SP2: variants seen among roughly 807,000 people sequenced by gnomAD.
SP2 encodes the protein Sp2 transcription factor.
SP2 carries 9 observed loss-of-function variants against 50.1 expected under a neutral mutation model. The ratio of observed to expected loss-of-function variants is 0.18; its 90% CI spans 0.11 to 0.31. SP2 has a LOEUF of 0.31. SP2 is among the 10% of genes least tolerant of loss of function. The pLI, the probability that SP2 is intolerant of heterozygous loss-of-function variation, is 1.00. For missense variants in SP2, 581 were observed against 806.5 expected (o/e 0.72, Z 3.39); for synonymous variants, 313 against 326.6 (o/e 0.96, Z 0.45).
chr17:47,930,198 C>T (rs1345746777), downstream of SP2, among the ~76,000 whole-genome samples: 2 of 152,186 alleles, frequency 1.3e-5, no homozygotes, highest in African/African-American at 2.4e-5. Flanking sequence ...TGTATTTATT[C>T]CTCATGCGTG....
downstream of SP2, among the ~76,000 whole-genome samples, chr17:47,929,419 TC>T (rs1171810240): frequency 6.6e-6 from 1 of 152,102 alleles, no homozygotes; most frequent in Non-Finnish European, 1.5e-5. Context: ...ACAATGCATT[TC>T]CCCAAGGGCC....
At chr17:47,920,204 C>T (rs1053956462) in intron 3 of SP2, among the ~76,000 whole-genome samples, 3 of 152,258 alleles carry the variant, frequency 2.0e-5, no homozygotes, top group Admixed American at 6.5e-5. Flanking sequence ...CAACCTCCGC[C>T]TCCCGGGTTC....
At chr17:47,896,442 G>C in intron 1 of SP2, 149 bp downstream of exon 1, 1 of 593,624 alleles carries the variant, frequency 1.7e-6, no homozygotes, top group Non-Finnish European at 2.5e-6. Context: ...GGGCGGGGGA[G>C]GGAGGATTCC....
chr17:47,926,439 A>C (rs1314213109), intron 6 of SP2, among the ~76,000 whole-genome samples: 2 of 151,356 alleles, frequency 1.3e-5, no homozygotes, highest in African/African-American at 4.9e-5. Flanking sequence ...CAACCTCCTG[A>C]GTAGCTGGGA....
intron 1 of SP2, chr17:47,898,414 G>A (rs2034420610): frequency 6.6e-6 from 1 of 152,202 alleles, no homozygotes; most frequent in South Asian, 2.1e-4. Context: ...CTATAGGTCT[G>A]TGGCAGATCC....
At chr17:47,899,306 A>G (rs533401939) in intron 1 of SP2, 28 of 152,272 alleles carry the variant, frequency 1.8e-4, no homozygotes, top group African/African-American at 6.0e-4. Flanking sequence ...TCAGCAATCT[A>G]TTGGAGCAAG....
chr17:47,897,203 A>G (rs746487930), intron 1 of SP2: 1 of 152,222 alleles, frequency 6.6e-6, no homozygotes, highest in Non-Finnish European at 1.5e-5. Context: ...CCTCTTATCC[A>G]TGCTTCTTAT....
Position 47,916,563 on chromosome 17 carries a change from A to G in SP2, c.492A>G (p.Gln164=). The change falls in exon 3 of 7, where the codon CAA becomes CAG. Residue 164 remains glutamine (Q), a synonymous_variant. Coordinates refer to ENST00000376741, the MANE Select transcript of SP2 (RefSeq NM_003110.6). This position sits in a 1 kb window ranked among gnomAD's most constrained non-coding sequence, Gnocchi z 4.7. ...NQIQIIPGTN[Q]AIITPSPSSH... ...TCCAGATCATCCCTGGCACCAACCA[A>G]GCCATCATCACCCCCTCACCGTCCA... The G allele has an allele frequency of 6.2e-7, 1 of 1,614,092 alleles. No individual in the cohort carries two copies. Among genetic ancestry groups the G allele is most frequent in the Non-Finnish European group, 8.5e-7 (1 of 1,180,002 alleles).
intron 1 of SP2, chr17:47,909,784 T>C: frequency 1.7e-6 from 1 of 586,206 alleles, no homozygotes; most frequent in Non-Finnish European, 2.1e-6. Context: ...TAAGATGTCC[T>C]TGAACTCTAA....
Position 47,916,473 on chromosome 17 carries a change from G to T in SP2, c.402G>T (p.Ala134=), listed in dbSNP as rs1405695202. The T allele has an allele frequency of 2.5e-6, 4 of 1,613,842 alleles. No individual in the cohort carries two copies. The Admixed American group carries it at 6.7e-5, about 27-fold the overall frequency. Residue 134 remains alanine (A), a synonymous_variant, in exon 3 of 7, where the codon GCG becomes GCT. Transcript: ENST00000376741. This position sits in a 1 kb window ranked among gnomAD's most constrained non-coding sequence, Gnocchi z 4.7. The stretch of plus-strand genomic sequence containing the variant: ...CAAATGCCAATATCCAGTACCAGGC[G>T]GTCCCTCAGATTCAGGCAAGCAATT... ...TRSNANIQYQ[A]VPQIQASNSQ...
At chr17:47,908,042 G>A (rs975272625) in intron 1 of SP2, among the ~76,000 whole-genome samples, 7 of 152,170 alleles carry the variant, frequency 4.6e-5, no homozygotes, top group Admixed American at 2.6e-4. Context: ...TCTGAGTGAC[G>A]CTAGGAAAGA....
rs1598143824 is a variant in SP2, at chr17:47,916,220, T to C, written c.149T>C (p.Val50Ala). Residue 50 changes from valine to alanine, a missense_variant, in exon 3 of 7, where the codon GTT becomes GCT. Coordinates refer to ENST00000376741, the MANE Select transcript of SP2 (RefSeq NM_003110.6). The surrounding 1 kb of genome is among the most constrained non-coding windows in gnomAD (Gnocchi z 4.7). ...TGTAGCAAAATTGGCCCTCCAGCAG[T>C]TGAAGCTGCTGTGACACCTCCTGCT... ...ATCSKIGPPAVEAAVTPPAPP... is the reference protein window; with the variant it reads ...ATCSKIGPPAAEAAVTPPAPP... 6.2e-7 allele frequency: 1 copy of C among 1,613,996 alleles called. No homozygotes were observed. The highest frequency in any genetic ancestry group is 8.5e-7 in the Non-Finnish European group (1 of 1,179,952).
Position 47,917,087 on chromosome 17 carries a change from C to T in SP2, c.1016C>T (p.Ser339Phe). Residue 339 changes from serine to phenylalanine, a missense_variant, in exon 3 of 7, where the codon TCC becomes TTC. Around this residue, in one of 2 missense-constraint regions of SP2, gnomAD observed 397 missense variants for 491.0 expected, o/e 0.81. Coordinates refer to ENST00000376741, the MANE Select transcript of SP2 (RefSeq NM_003110.6). ...CTCCCCACTGTACCCCAGAAGCCCT[C>T]CCAGAACTTTCAGATCCAGGCAGCT... ...ATLPTVPQKP[S>F]QNFQIQAAEP... 1 of 1,613,126 alleles carries T rather than the reference C, an allele frequency of 6.2e-7. No homozygotes were observed. Among genetic ancestry groups the T allele is most frequent in the East Asian group, 2.2e-5 (1 of 44,878 alleles).
chr17:47,903,432 G>A (rs1398781122), intron 1 of SP2, among the ~76,000 whole-genome samples: 2 of 151,960 alleles, frequency 1.3e-5, no homozygotes, highest in South Asian at 2.1e-4. Flanking sequence ...TTGGGAGGCC[G>A]AGGCGGGCAG....
rs775954063 is a variant in SP2, at chr17:47,916,487, A to G, written c.416A>G (p.Gln139Arg). ...NIQYQAVPQI[Q>R]ASNSQTIQVQ... is the part of the protein sequence containing the mutation. ...CAGTACCAGGCGGTCCCTCAGATTC[A>G]GGCAAGCAATTCCCAAACCATCCAA... is the stretch of plus-strand genomic sequence containing the variant. The change falls in exon 3 of 7, where the codon CAG becomes CGG. Residue 139 changes from glutamine to arginine, a missense_variant. By Grantham distance (43) the Gln-to-Arg change is conservative. Coordinates refer to ENST00000376741, the MANE Select transcript of SP2 (RefSeq NM_003110.6). The surrounding 1 kb of genome is among the most constrained non-coding windows in gnomAD (Gnocchi z 4.7). 6 of 1,614,158 alleles carry G rather than the reference A, an allele frequency of 3.7e-6. No individual in the cohort carries two copies.
chr17:47,915,214 C>CA (rs60876460), intron 1 of SP2, 98 bp from the exon 2 acceptor site: 192,695 of 684,656 alleles, frequency 0.28, 4,331 homozygotes, highest in East Asian at 0.45. Context: ...AATTCCGTCT[C>CA]AAAAAAAAAA....
Position 47,923,184 on chromosome 17 carries a change from C to A in SP2, c.1282C>A (p.Gln428Lys), listed in dbSNP as rs1324819017. 6.2e-7 allele frequency: 1 copy of A among 1,613,936 alleles called. No homozygotes were observed. The highest frequency in any genetic ancestry group is 8.5e-7 in the Non-Finnish European group (1 of 1,180,050). Residue 428 changes from glutamine to lysine, a missense_variant, in exon 4 of 7, where the codon CAG (glutamine) becomes AAG (lysine). Around this residue, in one of 2 missense-constraint regions of SP2, gnomAD observed 184 missense variants for 315.5 expected, o/e 0.58. Coordinates refer to ENST00000376741, the MANE Select transcript of SP2 (RefSeq NM_003110.6). ...AGSIISLNAA[Q>K]LAAAAQAMQT... Reference sequence around the variant, plus strand: ...GAGCATCATCAGCCTGAATGCAGCCCAGTTGGCGGCAGCTGCCCAGGCAAT... The same window carrying A: ...GAGCATCATCAGCCTGAATGCAGCCAAGTTGGCGGCAGCTGCCCAGGCAAT...
chr17:47,906,969 A>C (rs2143837513), intron 1 of SP2, among the ~76,000 whole-genome samples: 1 of 152,280 alleles, frequency 6.6e-6, no homozygotes. Flanking sequence ...TCAGTATTTA[A>C]GGGTGGCAAA....
At chr17:47,897,137 T>C (rs931473047) in intron 1 of SP2, among the ~76,000 whole-genome samples, 2 of 152,196 alleles carry the variant, frequency 1.3e-5, no homozygotes, top group Admixed American at 6.5e-5. Flanking sequence ...ACAAAATAGA[T>C]ACTCGCTCTC....
Sources: allele counts gnomAD v4.1 joint callset (sites outside exome capture counted in the v4.1 genomes callset), GRCh38; gene constraint gnomAD v4.1.1; regional missense constraint gnomAD v4.1.1; non-coding constraint Gnocchi (gnomAD v3.1); transcripts MANE v1.5; gene names NCBI Gene and HGNC (gene_info 2026-07-23, HGNC 2026-07-21).